The following SMARCC1 variants were observed in gnomAD, a reference collection of about 807,000 sequenced individuals.
The protein encoded by SMARCC1 is SWI/SNF complex subunit SMARCC1.
A neutral mutation model predicts 147.4 loss-of-function variants in SMARCC1; 43 were observed. The observed-to-expected ratio is 0.29, with a 90% confidence interval of 0.23 to 0.38. SMARCC1 has a LOEUF of 0.38. SMARCC1 is among the 10% of genes least tolerant of loss of function. The pLI is 1.00. For synonymous variants in SMARCC1, 495 were observed against 484.4 expected (o/e 1.02, Z -0.29); for missense variants, 1,119 against 1,381.1 (o/e 0.81, Z 3.01).
At chr3:47,693,819 C>A (rs1283193040) in intron 11 of SMARCC1, among the ~76,000 whole-genome samples, 2 of 152,132 alleles carry the variant, frequency 1.3e-5, no homozygotes, top group African/African-American at 4.8e-5. Flanking sequence ...CATGCCACCA[C>A]ACCTAGTTAA....
chr3:47,722,704 A>G (rs2034247823), intron 6 of SMARCC1, among the ~76,000 whole-genome samples: 1 of 152,240 alleles, frequency 6.6e-6, no homozygotes, highest in Non-Finnish European at 1.5e-5. Flanking sequence ...CTTCCCAGGT[A>G]TTATAAATTT....
intron 21 of SMARCC1, among the ~76,000 whole-genome samples, chr3:47,658,635 G>C (rs2033294897): frequency 6.6e-6 from 1 of 152,096 alleles, no homozygotes; most frequent in Non-Finnish European, 1.5e-5. Context: ...ATATTCCATT[G>C]TATGGATATA....
rs569517771 is a variant in SMARCC1, at chr3:47,621,421, G to A, written c.2781+786C>T. Among the ~76,000 whole-genome samples the A allele has an allele frequency of 6.6e-5, 10 of 152,206 alleles. No homozygotes were observed. In the East Asian group the frequency reaches 1.7e-3, roughly 26 times the overall value. Reference sequence around the variant, plus strand: ...AAATCAAACTAGGTGCCCATCAATAGTGGACTGGATAAAGAAAATGTGGTA... The same window carrying A: ...AAATCAAACTAGGTGCCCATCAATAATGGACTGGATAAAGAAAATGTGGTA... On this transcript the variant is annotated intron_variant, in intron 25 of 27. Transcript: ENST00000254480.
chr3:47,737,868 T>C (rs1415771475), intron 4 of SMARCC1, among the ~76,000 whole-genome samples, 161 bp downstream of exon 4: 2 of 151,366 alleles, frequency 1.3e-5, no homozygotes, highest in Non-Finnish European at 2.9e-5. Context: ...TTCACCGTGT[T>C]AGCCAGGATG....
chr3:47,600,491 G>A (rs1213992042), intron 26 of SMARCC1, among the ~76,000 whole-genome samples: 1 of 152,132 alleles, frequency 6.6e-6, no homozygotes, highest in Non-Finnish European at 1.5e-5. Context: ...ATGATGGTAA[G>A]GGCCTAGTTT....
intron 2 of SMARCC1, among the ~76,000 whole-genome samples, chr3:47,769,210 C>CAAAA (rs1553692338): frequency 3.0e-5 from 1 of 33,090 alleles, no homozygotes. Flanking sequence ...GACTCCGTCT[C>CAAAA]AAAAAAAAAA....
At chr3:47,768,746 T>C (rs536356632) in intron 2 of SMARCC1, among the ~76,000 whole-genome samples, 3 of 152,178 alleles carry the variant, frequency 2.0e-5, no homozygotes, top group Admixed American at 2.0e-4. Context: ...ACTTTCAAAT[T>C]TTTCACACAT....
At chr3:47,629,780 G>A (rs1026235169) in intron 24 of SMARCC1, among the ~76,000 whole-genome samples, 13 of 152,024 alleles carry the variant, frequency 8.6e-5, no homozygotes, top group African/African-American at 2.7e-4. Flanking sequence ...TAGTCAATGC[G>A]ACATGGAGCA....
intron 2 of SMARCC1, among the ~76,000 whole-genome samples, chr3:47,765,760 T>G (rs1328869518): frequency 6.6e-6 from 1 of 150,784 alleles, no homozygotes; most frequent in Non-Finnish European, 1.5e-5. Context: ...TGAGATGGAG[T>G]CTCACTCTGT....
At chr3:47,633,811 CACACACAT>C (rs1375362128) in intron 24 of SMARCC1, among the ~76,000 whole-genome samples, 3 of 128,132 alleles carry the variant, frequency 2.3e-5, no homozygotes, top group Admixed American at 8.5e-5. Context: ...CACACACACA[CACACACAT>C]ATATATAAAA....
intron 7 of SMARCC1, among the ~76,000 whole-genome samples, chr3:47,717,988 GC>G (rs746794266): frequency 1.3e-5 from 2 of 151,364 alleles, no homozygotes; most frequent in African/African-American, 2.4e-5. Flanking sequence ...CACCCCCCCT[GC>G]CCCCGCCAAC....
At chr3:47,677,173 T>C (rs2033584990) in intron 16 of SMARCC1, among the ~76,000 whole-genome samples, 1 of 152,202 alleles carries the variant, frequency 6.6e-6, no homozygotes, top group African/African-American at 2.4e-5. Flanking sequence ...CTCAGCTCAC[T>C]GCAACCTCCT....
intron 5 of SMARCC1, among the ~76,000 whole-genome samples, chr3:47,735,606 C>A (rs1379723336): frequency 6.6e-6 from 1 of 151,958 alleles, no homozygotes; most frequent in Non-Finnish European, 1.5e-5. Flanking sequence ...CCCACCTCTA[C>A]GAAAAATACA....
intron 26 of SMARCC1, among the ~76,000 whole-genome samples, chr3:47,596,922 G>T (rs2032292780): frequency 6.6e-6 from 1 of 151,782 alleles, no homozygotes; most frequent in Non-Finnish European, 1.5e-5. Flanking sequence ...TTGGCTAGGG[G>T]CGGTGGCTCC....
chr3:47,719,167 G>A (rs2034199820), intron 7 of SMARCC1, among the ~76,000 whole-genome samples: 1 of 151,988 alleles, frequency 6.6e-6, no homozygotes, highest in Admixed American at 6.6e-5. Context: ...GCCCGCCTTG[G>A]CCTCCCAAAG....
At chr3:47,622,514 G>A (rs1199445807) in intron 24 of SMARCC1, among the ~76,000 whole-genome samples, 173 bp from the exon 25 acceptor site, 1 of 152,128 alleles carries the variant, frequency 6.6e-6, no homozygotes, top group Non-Finnish European at 1.5e-5. Context: ...TCCTTATAGA[G>A]ATAAATCAAC....
At chr3:47,778,349 C>T (rs570085932) in intron 1 of SMARCC1, among the ~76,000 whole-genome samples, 1 of 151,748 alleles carries the variant, frequency 6.6e-6, no homozygotes, top group African/African-American at 2.4e-5. Flanking sequence ...CGCTCTGTTG[C>T]CCAGGCTGGA....
At chr3:47,589,851 T>C (rs1020124076) in intron 27 of SMARCC1, among the ~76,000 whole-genome samples, 21 of 152,350 alleles carry the variant, frequency 1.4e-4, no homozygotes, top group African/African-American at 4.8e-4. Context: ...ATTCTTATGC[T>C]TCCTATCTCT....
At chr3:47,674,385 C>T (rs1310781525) in intron 18 of SMARCC1, among the ~76,000 whole-genome samples, 1 of 152,154 alleles carries the variant, frequency 6.6e-6, no homozygotes, top group Non-Finnish European at 1.5e-5. Context: ...ATTTCACCTT[C>T]AATTTTGAAA....
Sources: allele counts gnomAD v4.1 joint callset (sites outside exome capture counted in the v4.1 genomes callset), GRCh38; gene constraint gnomAD v4.1.1; transcripts MANE v1.5; gene names NCBI Gene and HGNC (gene_info 2026-07-23, HGNC 2026-07-21).